Variants in CNTN5 observed in about 807,000 individuals in gnomAD.
CNTN5 encodes the protein contactin 5.
A neutral mutation model predicts 129.1 loss-of-function variants in CNTN5; 77 were observed. The observed-to-expected ratio is 0.60, with a 90% confidence interval of 0.50 to 0.72. The LOEUF (loss-of-function observed/expected upper bound fraction) is 0.72, where lower values mean the gene tolerates loss of function less well. Among genes scored for constraint, CNTN5 ranks in the 30% least tolerant of loss-of-function variants. CNTN5 has a pLI of 0.00. For missense variants in CNTN5, 1,478 were observed against 1,328.8 expected (o/e 1.11, Z -1.75); for synonymous variants, 509 against 465.6 (o/e 1.09, Z -1.20).
chr11:99,158,299 G>A (rs2135506883), intron 1 of CNTN5, among the ~76,000 whole-genome samples: 1 of 152,218 alleles, frequency 6.6e-6, no homozygotes, highest in South Asian at 2.1e-4. Flanking sequence ...AAGAACCATA[G>A]GGTCTTTGCA....
At position 99,980,010 on chromosome 11, in the gene CNTN5, A is replaced by G. The variant is rs997168789; in HGVS notation, c.878-22024A>G. ...AAGGAGTTACAAGGGTACCTAACAC[A>G]TAGTAAACCCCATATAAGTATTGGG... On this transcript the variant is annotated intron_variant, in intron 8 of 24. Coordinates refer to ENST00000524871, the MANE Select transcript of CNTN5 (RefSeq NM_014361.4). Among the ~76,000 whole-genome samples, 3 of 152,212 alleles carry G rather than the reference A, an allele frequency of 2.0e-5. No individual in the cohort carries two copies. The East Asian group carries it at 5.8e-4, about 29-fold the overall frequency.
At chr11:100,210,785 G>GTA (rs1949014559) in intron 15 of CNTN5, among the ~76,000 whole-genome samples, 2 of 152,168 alleles carry the variant, frequency 1.3e-5, no homozygotes, top group African/African-American at 4.8e-5. Flanking sequence ...TTTCAAGAAT[G>GTA]TGTATGCAGT....
intron 2 of CNTN5, among the ~76,000 whole-genome samples, chr11:99,547,866 T>TA (rs1948352264): frequency 6.6e-6 from 1 of 152,206 alleles, no homozygotes; most frequent in Non-Finnish European, 1.5e-5. Context: ...CTTCTGGAGT[T>TA]AGACTGTCTA....
At position 99,747,529 on chromosome 11, in the gene CNTN5, G is replaced by T. The variant is rs904741617; in HGVS notation, c.56-72015G>T. The stretch of plus-strand genomic sequence containing the variant: ...AGCCCAGGCTGGAGTGCAGTGGCAC[G>T]ATCCCTGCTCACTGCAAGCTCTGCC... On this transcript the variant is annotated intron_variant, in intron 3 of 24. Coordinates refer to ENST00000524871, the MANE Select transcript of CNTN5 (RefSeq NM_014361.4). 2.3e-5 allele frequency among the ~76,000 whole-genome samples: 3 copies of T among 132,630 alleles called. No homozygotes were observed. In the East Asian group the frequency reaches 7.4e-4, roughly 33 times the overall value. The allele number at this position is 132,630 out of a possible 152,430, so 87.0% of individuals were successfully genotyped here.
intron 13 of CNTN5, among the ~76,000 whole-genome samples, chr11:100,137,686 T>C (rs1217756005): frequency 6.6e-6 from 1 of 152,124 alleles, no homozygotes; most frequent in Non-Finnish European, 1.5e-5. Context: ...CAAGTCAGTT[T>C]ATCACTATGA....
intron 3 of CNTN5, among the ~76,000 whole-genome samples, chr11:99,722,474 C>T (rs924861703): frequency 1.1e-4 from 17 of 152,000 alleles, no homozygotes; most frequent in African/African-American, 3.9e-4. Context: ...CTGGGGTCTA[C>T]TTCTTGGGGA....
At chr11:100,316,337 A>G (rs923170618) in intron 21 of CNTN5, among the ~76,000 whole-genome samples, 3 of 152,170 alleles carry the variant, frequency 2.0e-5, no homozygotes, top group Non-Finnish European at 4.4e-5. Flanking sequence ...GGCAATGGGA[A>G]TGTACATATA....
chr11:99,332,106 C>CAATATATAGCTATATAACAA (rs1565497183), intron 2 of CNTN5, among the ~76,000 whole-genome samples: 7 of 151,826 alleles, frequency 4.6e-5, no homozygotes, highest in Non-Finnish European at 1.0e-4. Context: ...CAATAGCTAA[C>CAATATATAGCTATATAACAA]TGATAGAACT....
chr11:100,125,107 T>C (rs938057517), intron 13 of CNTN5, among the ~76,000 whole-genome samples: 4 of 152,062 alleles, frequency 2.6e-5, no homozygotes, highest in African/African-American at 9.6e-5. Context: ...GAATTGAAGA[T>C]GTTATAGAAA....
At chr11:99,071,758 C>A (rs1865350743) in intron 1 of CNTN5, among the ~76,000 whole-genome samples, 1 of 151,980 alleles carries the variant, frequency 6.6e-6, no homozygotes, top group Non-Finnish European at 1.5e-5. Context: ...TAAGTGAAGT[C>A]AATCCTAAAG....
chr11:99,329,914 G>GACACAC (rs58544462), intron 2 of CNTN5, among the ~76,000 whole-genome samples: 237 of 140,376 alleles, frequency 1.7e-3, no homozygotes, highest in Admixed American at 4.4e-3. Flanking sequence ...TACAAGCAGT[G>GACACAC]ACACACACAC....
intron 1 of CNTN5, among the ~76,000 whole-genome samples, chr11:99,034,305 C>A (rs1863578875): frequency 1.3e-5 from 2 of 151,914 alleles, no homozygotes; most frequent in African/African-American, 4.8e-5. Context: ...GGGAGGATTC[C>A]CTCTTTTTCT....
intron 3 of CNTN5, among the ~76,000 whole-genome samples, chr11:99,742,612 G>A (rs1236934964): frequency 6.6e-6 from 1 of 152,054 alleles, no homozygotes; most frequent in Non-Finnish European, 1.5e-5. Flanking sequence ...AAGTCAGATG[G>A]TTTAATATTT....
intron 1 of CNTN5, among the ~76,000 whole-genome samples, chr11:99,176,767 A>G (rs1359490075): frequency 6.6e-6 from 1 of 152,074 alleles, no homozygotes; most frequent in Non-Finnish European, 1.5e-5. Context: ...TAAAATTCTA[A>G]TTGGTCCCTG....
intron 13 of CNTN5, among the ~76,000 whole-genome samples, chr11:100,084,077 C>G (rs1944461797): frequency 6.6e-6 from 1 of 152,080 alleles, no homozygotes; most frequent in Non-Finnish European, 1.5e-5. Context: ...TAGCTAATTA[C>G]CAGTTTAGGA....
intron 13 of CNTN5, among the ~76,000 whole-genome samples, chr11:100,106,798 T>C (rs1266544692): frequency 6.6e-6 from 1 of 152,152 alleles, no homozygotes; most frequent in Non-Finnish European, 1.5e-5. Flanking sequence ...AGCCTCCCTC[T>C]CTGTAATAGA....
chr11:99,123,117 C>T (rs78410705), intron 1 of CNTN5, among the ~76,000 whole-genome samples: 11,648 of 152,088 alleles, frequency 0.077, 515 homozygotes, highest in African/African-American at 0.12. Context: ...TGAGAAATTG[C>T]CACACTGCTT....
rs375539377 is a variant in CNTN5, at chr11:100,340,443, A to G, written c.2731-20A>G. On this transcript the variant is annotated intron_variant, in intron 21 of 24. Coordinates refer to ENST00000524871, the MANE Select transcript of CNTN5 (RefSeq NM_014361.4). ...GAGGAAGCTTTAAAATTAACCTGCC[A>G]TGTGATAATTTGTTGATAGGTTGGT... The G allele has an allele frequency of 6.1e-5, 96 of 1,579,610 alleles. 1 individual carries two copies. The East Asian group carries it at 1.8e-3, about 30-fold the overall frequency.
intron 6 of CNTN5, among the ~76,000 whole-genome samples, chr11:99,894,309 C>T (rs553427442): frequency 6.6e-6 from 1 of 152,060 alleles, no homozygotes; most frequent in African/African-American, 2.4e-5. Flanking sequence ...TACTATTAAT[C>T]TCTGTTAAAT....
Sources: allele counts gnomAD v4.1 joint callset (sites outside exome capture counted in the v4.1 genomes callset), GRCh38; gene constraint gnomAD v4.1.1; transcripts MANE v1.5; gene names NCBI Gene and HGNC (gene_info 2026-07-23, HGNC 2026-07-21).